Variants in VRK2 observed in about 807,000 individuals in gnomAD.
The protein encoded by VRK2 is serine/threonine-protein kinase VRK2.
In VRK2, 60 loss-of-function variants were observed where a neutral mutation model predicts 57.6. That is an observed-to-expected ratio of 1.04 (90% CI 0.85 to 1.29). VRK2 has a LOEUF of 1.29. Ranked by LOEUF, VRK2 falls within the 50% of genes most tolerant of loss-of-function variation. VRK2 has a pLI of 0.00. For missense variants in VRK2, 705 were observed against 588.1 expected (o/e 1.20, Z -2.06); for synonymous variants, 231 against 199.2 (o/e 1.16, Z -1.35).
In VRK2 at chr2:57,923,660, T is replaced by C. The variant is rs1298600259; in HGVS notation, c.-439+15821T>C. On this transcript the variant is annotated intron_variant, in intron 1 of 15. Transcript: ENST00000417641. ...TTGTCAGATGCATAGTTTGCAAATA[T>C]TTTCTTCCATTCTGTGGGTTGTCTC... Among the ~76,000 whole-genome samples the C allele has an allele frequency of 2.6e-5, 4 of 152,036 alleles. No individual in the cohort carries two copies. In the East Asian group the frequency reaches 7.7e-4, roughly 29 times the overall value.
At chr2:58,085,399 T>C (rs551814424) in intron 4 of VRK2, among the ~76,000 whole-genome samples, 1 of 152,060 alleles carries the variant, frequency 6.6e-6, no homozygotes, top group South Asian at 2.1e-4. Context: ...AACTTTAAGA[T>C]GTTTAAGAAA....
intron 1 of VRK2, among the ~76,000 whole-genome samples, chr2:57,910,140 G>T (rs1669942205): frequency 6.6e-6 from 1 of 151,370 alleles, no homozygotes; most frequent in Admixed American, 6.6e-5. Context: ...TCCCATGGGG[G>T]CCCCATCGTT....
intron 1 of VRK2, among the ~76,000 whole-genome samples, chr2:58,004,316 G>A (rs1673179437): frequency 6.6e-6 from 1 of 152,164 alleles, no homozygotes; most frequent in Admixed American, 6.5e-5. Context: ...CTCTGAAGAT[G>A]TGATATGATT....
chr2:57,961,112 T>G (rs780201888), intron 1 of VRK2, among the ~76,000 whole-genome samples: 1 of 152,154 alleles, frequency 6.6e-6, no homozygotes, highest in Non-Finnish European at 1.5e-5. Context: ...AAAATACATA[T>G]GTATTAATAT....
intron 7 of VRK2, among the ~76,000 whole-genome samples, chr2:58,092,635 A>G (rs1199364813): frequency 6.6e-6 from 1 of 152,080 alleles, no homozygotes; most frequent in East Asian, 1.9e-4. Flanking sequence ...CCCATCAGCA[A>G]TGTGTGATAT....
At chr2:57,979,080 GT>G (rs1190002111) in intron 1 of VRK2, among the ~76,000 whole-genome samples, 1 of 151,110 alleles carries the variant, frequency 6.6e-6, no homozygotes, top group Non-Finnish European at 1.5e-5. Flanking sequence ...GGGCATTTGG[GT>G]TGGTTCCATG....
At chr2:57,932,318 C>G (rs1371715168) in intron 1 of VRK2, among the ~76,000 whole-genome samples, 3 of 152,060 alleles carry the variant, frequency 2.0e-5, no homozygotes, top group African/African-American at 7.2e-5. Context: ...GTGAAGCCAT[C>G]CAGTTCTGAG....
At chr2:57,981,840 T>C (rs775036244) in intron 1 of VRK2, among the ~76,000 whole-genome samples, 2 of 152,228 alleles carry the variant, frequency 1.3e-5, no homozygotes, top group African/African-American at 2.4e-5. Context: ...TTCTGCATGT[T>C]GATGAGCTTC....
chr2:57,960,005 G>A (rs1671708053), intron 1 of VRK2, among the ~76,000 whole-genome samples: 2 of 149,880 alleles, frequency 1.3e-5, no homozygotes, highest in South Asian at 4.3e-4. Flanking sequence ...GTGTGTGCAT[G>A]GGTGTGTGTG....
intron 2 of VRK2, among the ~76,000 whole-genome samples, chr2:58,027,602 A>G (rs551316953): frequency 6.6e-6 from 1 of 152,280 alleles, no homozygotes; most frequent in Non-Finnish European, 1.5e-5. Flanking sequence ...GAGTTTAAAA[A>G]GTCAATTATA....
At chr2:57,947,359 A>G (rs909506184) in intron 1 of VRK2, among the ~76,000 whole-genome samples, 2 of 152,168 alleles carry the variant, frequency 1.3e-5, no homozygotes, top group Non-Finnish European at 2.9e-5. Context: ...ATTTTTTTAA[A>G]TTTACACATG....
intron 1 of VRK2, among the ~76,000 whole-genome samples, chr2:58,009,329 T>G (rs1419539950): frequency 1.3e-5 from 2 of 151,864 alleles, no homozygotes; most frequent in Non-Finnish European, 2.9e-5. Context: ...AATAAACTAG[T>G]GTCTGAGAAA....
At chr2:58,027,340 C>A (rs1179056785) in intron 2 of VRK2, among the ~76,000 whole-genome samples, 1 of 151,992 alleles carries the variant, frequency 6.6e-6, no homozygotes, top group African/African-American at 2.4e-5. Context: ...CAAATTATAT[C>A]CAGGGAAAAG....
intron 1 of VRK2, among the ~76,000 whole-genome samples, chr2:57,931,694 C>T (rs964783526): frequency 4.6e-5 from 7 of 152,066 alleles, no homozygotes; most frequent in Non-Finnish European, 8.8e-5. Flanking sequence ...TCACCAAGAT[C>T]GATGTCATGG....
intron 12 of VRK2, among the ~76,000 whole-genome samples, chr2:58,151,734 T>TTTTTTTTTG: frequency 1.3e-5 from 1 of 76,756 alleles, no homozygotes; most frequent in Non-Finnish European, 2.6e-5. Flanking sequence ...TATGCTTGTT[T>TTTTTTTTTG]TTTTTTTTTT....
At chr2:58,103,929 T>A (rs1674381088) in intron 7 of VRK2, among the ~76,000 whole-genome samples, 1 of 151,170 alleles carries the variant, frequency 6.6e-6, no homozygotes, top group South Asian at 2.1e-4. Flanking sequence ...GGGATGCAAG[T>A]ATTCTTGTGA....
At chr2:58,061,978 A>G (rs1677409472) in intron 2 of VRK2, among the ~76,000 whole-genome samples, 2 of 151,936 alleles carry the variant, frequency 1.3e-5, no homozygotes, top group Admixed American at 1.3e-4. Context: ...ATTGCACATC[A>G]CTTTATTGTG....
intron 1 of VRK2, among the ~76,000 whole-genome samples, chr2:57,934,218 C>G (rs1400935439): frequency 1.3e-5 from 2 of 152,038 alleles, no homozygotes; most frequent in Non-Finnish European, 2.9e-5. Context: ...GTATACTAAC[C>G]ACTGTGAGTT....
intron 12 of VRK2, among the ~76,000 whole-genome samples, chr2:58,156,526 C>T (rs1445293335): frequency 6.6e-6 from 1 of 151,514 alleles, no homozygotes; most frequent in East Asian, 1.9e-4. Flanking sequence ...AGCTAAATAA[C>T]TATTTTTTTA....
Sources: allele counts gnomAD v4.1 joint callset (sites outside exome capture counted in the v4.1 genomes callset), GRCh38; gene constraint gnomAD v4.1.1; transcripts MANE v1.5; gene names NCBI Gene and HGNC (gene_info 2026-07-23, HGNC 2026-07-21).